Variants in GRIK2 observed in about 807,000 individuals in gnomAD.
GRIK2 encodes the protein glutamate receptor ionotropic, kainate 2.
In GRIK2, 32 loss-of-function variants were observed where a neutral mutation model predicts 100.3. The ratio of observed to expected loss-of-function variants is 0.32; its 90% confidence interval spans 0.24 to 0.43. GRIK2 has a LOEUF of 0.43. Ranked by LOEUF, GRIK2 falls within the 20% of genes least tolerant of loss-of-function variation. GRIK2 has a pLI of 1.00. For missense variants in GRIK2, 843 were observed against 1,114.9 expected, an observed-to-expected ratio of 0.76 and a Z score of 3.47; for synonymous variants, 417 against 389.4, an observed-to-expected ratio of 1.07 and a Z score of -0.83.
chr6:101,768,104 C>A (rs981548171), intron 7 of GRIK2, among the ~76,000 whole-genome samples: 2 of 152,002 alleles, frequency 1.3e-5, no homozygotes, highest in African/African-American at 2.4e-5. Flanking sequence ...AGTGATCTAC[C>A]CATCTTGGCC....
At chr6:102,008,124 A>G (rs1024395058) in intron 14 of GRIK2, among the ~76,000 whole-genome samples, 21 of 152,102 alleles carry the variant, frequency 1.4e-4, no homozygotes, top group African/African-American at 5.1e-4. Flanking sequence ...TGCCAAGGAG[A>G]TGGGCAGATG....
chr6:101,611,476 T>C (rs1779672532), intron 2 of GRIK2, among the ~76,000 whole-genome samples: 1 of 151,862 alleles, frequency 6.6e-6, no homozygotes, highest in Non-Finnish European at 1.5e-5. Context: ...AAAATTTTCA[T>C]TGGTTACATA....
At chr6:101,973,023 C>A (rs371924931) in intron 14 of GRIK2, among the ~76,000 whole-genome samples, 1 of 151,568 alleles carries the variant, frequency 6.6e-6, no homozygotes, top group East Asian at 1.9e-4. Context: ...CACTTTGGCT[C>A]TCTGGGCTCC....
intron 4 of GRIK2, among the ~76,000 whole-genome samples, chr6:101,663,479 C>T (rs77721460): frequency 7.1e-4 from 108 of 152,090 alleles, no homozygotes; most frequent in African/African-American, 2.0e-3. Flanking sequence ...TCAGTCACAC[C>T]GCCAGGATAG....
chr6:102,046,857 A>G (rs1770915483), intron 15 of GRIK2, among the ~76,000 whole-genome samples: 1 of 152,212 alleles, frequency 6.6e-6, no homozygotes, highest in Non-Finnish European at 1.5e-5. Context: ...AATTATGTAT[A>G]GTATTGTTTC....
chr6:101,802,279 T>G, intron 8 of GRIK2, 52 bp from the exon 9 acceptor site: 2 of 683,648 alleles, frequency 2.9e-6, no homozygotes, highest in South Asian at 4.8e-5. Flanking sequence ...GAAAAAATGT[T>G]TATTCCATCT....
chr6:101,522,881 T>C (rs968433750), intron 2 of GRIK2, among the ~76,000 whole-genome samples: 1 of 151,168 alleles, frequency 6.6e-6, no homozygotes, highest in Non-Finnish European at 1.5e-5. Flanking sequence ...TGGCAAACAG[T>C]AACCAGCCAA....
intron 2 of GRIK2, among the ~76,000 whole-genome samples, chr6:101,538,502 G>C (rs936388791): frequency 3.4e-4 from 51 of 151,464 alleles, no homozygotes; most frequent in African/African-American, 1.1e-3. Context: ...CTTATACATA[G>C]TAGGTTAAAC....
At chr6:101,687,615 A>G (rs997385686) in intron 7 of GRIK2, among the ~76,000 whole-genome samples, 53 of 151,914 alleles carry the variant, frequency 3.5e-4, no homozygotes, top group African/African-American at 1.1e-3. Flanking sequence ...CATAGAGACT[A>G]TGAAGAAGAA....
At chr6:101,917,574 C>A (rs1238893521) in intron 12 of GRIK2, among the ~76,000 whole-genome samples, 3 of 148,714 alleles carry the variant, frequency 2.0e-5, no homozygotes, top group Admixed American at 6.7e-5. Flanking sequence ...TTAGCATTAC[C>A]TTGTCACTTG....
chr6:101,655,227 T>C (rs1782000581), intron 4 of GRIK2, among the ~76,000 whole-genome samples: 1 of 152,180 alleles, frequency 6.6e-6, no homozygotes, highest in Non-Finnish European at 1.5e-5. Flanking sequence ...TATTTTAGGT[T>C]TGAACACATG....
At chr6:101,512,252 T>C (rs1774360393) in intron 2 of GRIK2, among the ~76,000 whole-genome samples, 2 of 151,996 alleles carry the variant, frequency 1.3e-5, no homozygotes, top group Admixed American at 1.3e-4. Context: ...TTATATGGTA[T>C]GGTATATGTA....
chr6:101,395,751 A>G lies in GRIK2; in HGVS notation c.-294+1914A>G, dbSNP rs1774977825. ...ATTTTCTTCTTTGTCAATTTATCAT[A>G]GGTTTGATATTTGTGTCAGCCTTCT... On this transcript the variant is annotated intron_variant, in intron 1 of 16. Transcript: ENST00000369134. Among the ~76,000 whole-genome samples the G allele has an allele frequency of 2.0e-5, 3 of 152,114 alleles. No homozygotes were observed. In the South Asian group the frequency reaches 6.2e-4, roughly 32 times the overall value.
At chr6:101,395,274 G>A (rs1774958269) in intron 1 of GRIK2, among the ~76,000 whole-genome samples, 1 of 152,274 alleles carries the variant, frequency 6.6e-6, no homozygotes, top group South Asian at 2.1e-4. Flanking sequence ...CCACTTGCAT[G>A]GAATAATAGG....
chr6:101,596,741 G>A (rs1778946677), intron 2 of GRIK2, among the ~76,000 whole-genome samples: 1 of 151,658 alleles, frequency 6.6e-6, no homozygotes, highest in African/African-American at 2.4e-5. Context: ...AGCAATTAAA[G>A]CTCTTCTAGA....
At position 101,715,881 on chromosome 6, in the gene GRIK2, C is replaced by G. The variant is rs142978275; in HGVS notation, c.951+29528C>G. Reference sequence around the variant, plus strand: ...TCACTGACCCTATATTTTCTAAATACAGGATAATGTTTGGCCTAAATATGT... The same window carrying G: ...TCACTGACCCTATATTTTCTAAATAGAGGATAATGTTTGGCCTAAATATGT... On this transcript the variant is annotated intron_variant, in intron 7 of 16. Transcript: ENST00000369134. Among the ~76,000 whole-genome samples the G allele has an allele frequency of 6.5e-3, 989 of 151,880 alleles. 8 individuals are homozygous for G. The highest frequency in any genetic ancestry group is 0.034 in the Middle Eastern group (10 of 294).
chr6:101,852,763 T>A (rs9386294), intron 10 of GRIK2, among the ~76,000 whole-genome samples: 16,581 of 152,170 alleles, frequency 0.11, 1,954 homozygotes, highest in East Asian at 0.66. Context: ...ACCAGAAAGC[T>A]GTTTCACCAC....
chr6:101,895,720 A>C (rs374047834), intron 12 of GRIK2, among the ~76,000 whole-genome samples: 1 of 151,790 alleles, frequency 6.6e-6, no homozygotes, highest in African/African-American at 2.4e-5. Context: ...ACCAAAAAAA[A>C]CGATTTCAAT....
intron 2 of GRIK2, among the ~76,000 whole-genome samples, chr6:101,544,392 G>A (rs1350226564): frequency 6.6e-6 from 1 of 152,136 alleles, no homozygotes; most frequent in Non-Finnish European, 1.5e-5. Context: ...AACTCCATGA[G>A]AATTATATTT....
Sources: gnomAD v4.1 joint callset for allele counts (sites outside exome capture counted in the v4.1 genomes callset) on GRCh38, gnomAD v4.1.1 for gene constraint, MANE v1.5 for transcripts, NCBI Gene and HGNC (gene_info 2026-07-23, HGNC 2026-07-21) for gene names.